PCDHA7: variants seen among roughly 807,000 people sequenced by gnomAD.
PCDHA7 encodes protocadherin alpha 7, also known as protocadherin alpha-7.
Under a neutral mutation model 57.2 loss-of-function variants are expected in PCDHA7, and 37 were observed. The observed-to-expected ratio is 0.65, with a 90% confidence interval of 0.50 to 0.85. The LOEUF (loss-of-function observed/expected upper bound fraction) is 0.85, where lower values mean the gene tolerates loss of function less well. Ranked by LOEUF, PCDHA7 falls within the 40% of genes least tolerant of loss-of-function variation. PCDHA7 has a pLI of 0.00. For missense variants in PCDHA7, 1,188 were observed against 1,241.8 expected (o/e 0.96, Z 0.65); for synonymous variants, 553 against 558.8 (o/e 0.99, Z 0.15).
chr5:140,888,288 C>G (rs1328691042), intron 1 of PCDHA7, among the ~76,000 whole-genome samples: 1 of 152,108 alleles, frequency 6.6e-6, no homozygotes, highest in African/African-American at 2.4e-5. Context: ...CCCTCTACCC[C>G]CTACCCAGGA....
At chr5:140,870,771 C>A (rs370490786) in intron 1 of PCDHA7, 1 of 1,613,466 alleles carries the variant, frequency 6.2e-7, no homozygotes, top group Non-Finnish European at 8.5e-7. Context: ...TCGTGCTGGA[C>A]GAGAACGACA....
At chr5:140,927,316 C>A in intron 1 of PCDHA7, 1 of 1,614,198 alleles carries the variant, frequency 6.2e-7, no homozygotes, top group Non-Finnish European at 8.5e-7. Flanking sequence ...GCCCGGAGCC[C>A]GCTTTACTCT....
At chr5:140,839,656 G>A (rs2150299542) in intron 1 of PCDHA7, among the ~76,000 whole-genome samples, 4 of 152,154 alleles carry the variant, frequency 2.6e-5, no homozygotes, top group Admixed American at 1.3e-4. Context: ...CAAATTGTTT[G>A]CTACTATTTA....
intron 1 of PCDHA7, chr5:140,927,924 T>C: frequency 1.2e-6 from 2 of 1,614,204 alleles, no homozygotes; most frequent in Non-Finnish European, 1.7e-6. Context: ...ACTTCCTGAC[T>C]CTTTCGAACC....
At chr5:140,953,025 G>A (rs1408416785) in intron 1 of PCDHA7, among the ~76,000 whole-genome samples, 9 of 152,024 alleles carry the variant, frequency 5.9e-5, no homozygotes, top group African/African-American at 1.9e-4. Flanking sequence ...ACATTAAGGG[G>A]GAAATCCACC....
intron 1 of PCDHA7, chr5:140,876,140 C>T: frequency 6.2e-7 from 1 of 1,613,944 alleles, no homozygotes; most frequent in East Asian, 2.2e-5. Context: ...CCAGAACTAA[C>T]AGGGTCTGTC....
chr5:140,958,915 G>T (rs1162016056), intron 1 of PCDHA7, among the ~76,000 whole-genome samples: 13 of 150,674 alleles, frequency 8.6e-5, no homozygotes, highest in Non-Finnish European at 1.8e-4. Flanking sequence ...AAGTCTGCCT[G>T]GGTGTGGTGG....
chr5:140,929,302 G>T, intron 1 of PCDHA7: 1 of 1,587,714 alleles, frequency 6.3e-7, no homozygotes, highest in Admixed American at 1.7e-5. Flanking sequence ...TAGGAAAGGG[G>T]ATCACGCTAA....
intron 1 of PCDHA7, among the ~76,000 whole-genome samples, chr5:140,938,547 C>CTTTTA (rs59072362): frequency 0.32 from 48,749 of 151,290 alleles, 8,071 homozygotes; most frequent in East Asian, 0.53. Flanking sequence ...GATTTTTATC[C>CTTTTA]TTTTATTAAT....
At chr5:140,982,935 T>C (rs2097016879) in intron 3 of PCDHA7, among the ~76,000 whole-genome samples, 2 of 151,876 alleles carry the variant, frequency 1.3e-5, no homozygotes, top group African/African-American at 4.9e-5. Context: ...ACAAAGATCT[T>C]TTGGTTGAAG....
At chr5:140,869,344 A>G (rs540952410) in intron 1 of PCDHA7, 1 of 1,613,990 alleles carries the variant, frequency 6.2e-7, no homozygotes, top group African/African-American at 1.3e-5. Flanking sequence ...AAATCTGCAG[A>G]ATGGCATTTT....
intron 1 of PCDHA7, chr5:140,870,201 G>T: frequency 6.2e-7 from 1 of 1,614,140 alleles, no homozygotes; most frequent in South Asian, 1.1e-5. Flanking sequence ...AGCCCAGCAC[G>T]GTCATTGCCC....
chr5:140,934,998 T>A (rs1242919330), intron 1 of PCDHA7, among the ~76,000 whole-genome samples: 1 of 152,198 alleles, frequency 6.6e-6, no homozygotes, highest in Non-Finnish European at 1.5e-5. Flanking sequence ...CCCTGAATCC[T>A]TTTCATGTGA....
At chr5:140,998,008 T>C (rs1447849810) in intron 3 of PCDHA7, among the ~76,000 whole-genome samples, 6 of 152,128 alleles carry the variant, frequency 3.9e-5, no homozygotes, top group East Asian at 1.9e-4. Flanking sequence ...GAGCCTTCCA[T>C]CCCCACCTCG....
chr5:140,871,476 G>A (rs1437006996), intron 1 of PCDHA7: 1 of 1,598,568 alleles, frequency 6.3e-7, no homozygotes, highest in Admixed American at 1.7e-5. Flanking sequence ...AGGAGCCAGG[G>A]TCAAATCACC....
At chr5:140,983,617 G>C (rs868994554) in intron 3 of PCDHA7, among the ~76,000 whole-genome samples, 1 of 152,228 alleles carries the variant, frequency 6.6e-6, no homozygotes, top group Admixed American at 6.5e-5. Context: ...GAGGCAGAGA[G>C]ATTAAGAAAT....
rs1554181343 is a variant in PCDHA7, at chr5:140,884,223, A to G, written c.2355+47485A>G. ...CACCACCGCCTTCTGGTGCTGGTGAAGGACCACGGTGAGCCCGCGCTGACG... is the reference window on the plus strand; with the variant it reads ...CACCACCGCCTTCTGGTGCTGGTGAGGGACCACGGTGAGCCCGCGCTGACG... On this transcript the variant is annotated intron_variant, in intron 1 of 3. Coordinates refer to ENST00000525929, the MANE Select transcript of PCDHA7 (RefSeq NM_018910.3). 1.1e-5 allele frequency: 17 copies of G among 1,613,364 alleles called. No homozygotes were observed. The highest frequency in any genetic ancestry group is 1.7e-5 in the Admixed American group (1 of 59,998).
chr5:140,973,513 A>G (rs2096591492), intron 1 of PCDHA7, among the ~76,000 whole-genome samples: 1 of 151,864 alleles, frequency 6.6e-6, no homozygotes, highest in Non-Finnish European at 1.5e-5. Context: ...GAAAAAGTTT[A>G]TTTTCTTTGG....
At chr5:140,941,048 T>C (rs1157859382) in intron 1 of PCDHA7, among the ~76,000 whole-genome samples, 1 of 152,138 alleles carries the variant, frequency 6.6e-6, no homozygotes, top group African/African-American at 2.4e-5. Context: ...CAAGTCAAAT[T>C]CCCCAGCAGT....
Sources: gnomAD v4.1 joint callset for allele counts (sites outside exome capture counted in the v4.1 genomes callset) on GRCh38, gnomAD v4.1.1 for gene constraint, MANE v1.5 for transcripts, NCBI Gene and HGNC (gene_info 2026-07-23, HGNC 2026-07-21) for gene names.